The following INTS4 variants were observed in gnomAD, a reference collection of about 807,000 sequenced individuals.
INTS4 encodes integrator complex subunit 4, also known as MSTP093.
A neutral mutation model predicts 119.5 loss-of-function variants in INTS4; 70 were observed. The ratio of observed to expected loss-of-function variants is 0.59; its 90% CI spans 0.48 to 0.71. The LOEUF (loss-of-function observed/expected upper bound fraction) is 0.71. Ranked by LOEUF, INTS4 falls within the 30% of genes least tolerant of loss-of-function variation. INTS4 has a pLI of 0.00. For synonymous variants in INTS4, 316 were observed against 419.6 expected (o/e 0.75, Z 3.02); for missense variants, 867 against 1,173.2 (o/e 0.74, Z 3.81).
intron 1 of INTS4, among the ~76,000 whole-genome samples, chr11:77,994,344 A>G (rs144837821): frequency 6.6e-6 from 1 of 152,294 alleles, no homozygotes; most frequent in African/African-American, 2.4e-5. Context: ...AACGGATAAG[A>G]CAGTTTCGTA....
chr11:77,950,296 C>T (rs978618222), intron 8 of INTS4, among the ~76,000 whole-genome samples: 2 of 151,902 alleles, frequency 1.3e-5, no homozygotes, highest in African/African-American at 2.4e-5. Flanking sequence ...AGCAAACTAC[C>T]ATGGCACATG....
At chr11:77,898,912 T>G (rs911206896) in intron 18 of INTS4, among the ~76,000 whole-genome samples, 2 of 152,002 alleles carry the variant, frequency 1.3e-5, no homozygotes, top group Admixed American at 6.6e-5. Flanking sequence ...CCCAGCTACT[T>G]GGGAGGCTGA....
At chr11:77,928,286 T>C in intron 11 of INTS4, 56 bp downstream of exon 11, 1 of 1,585,918 alleles carries the variant, frequency 6.3e-7, no homozygotes, top group Non-Finnish European at 8.6e-7. Flanking sequence ...CAATACCTGA[T>C]TTTAACAGGG....
chr11:77,897,461 T>C (rs1952575491), intron 18 of INTS4, among the ~76,000 whole-genome samples: 1 of 151,760 alleles, frequency 6.6e-6, no homozygotes, highest in Middle Eastern at 3.4e-3. Flanking sequence ...AGCTACATTA[T>C]AAAAACATAA....
intron 22 of INTS4, among the ~76,000 whole-genome samples, chr11:77,882,403 C>T (rs1951829342): frequency 6.7e-6 from 1 of 148,670 alleles, no homozygotes; most frequent in African/African-American, 2.5e-5. Flanking sequence ...ACAAGTCAGA[C>T]CCTCTCAAGA....
chr11:77,991,390 T>C, intron 1 of INTS4, 91 bp from the exon 2 acceptor site: 1 of 997,048 alleles, frequency 1.0e-6, no homozygotes, highest in Non-Finnish European at 1.5e-6. Context: ...TACCAAATAA[T>C]ATATTTAGCT....
intron 15 of INTS4, among the ~76,000 whole-genome samples, chr11:77,911,689 AT>A (rs1953091190): frequency 6.6e-6 from 1 of 152,206 alleles, no homozygotes; most frequent in Non-Finnish European, 1.5e-5. Flanking sequence ...TTATCTCTTT[AT>A]GCTCACAATT....
rs183936324 is a variant in INTS4 at position 77,898,015 on chromosome 11, G to A, written c.2228+3406C>T. 1.1e-4 allele frequency among the ~76,000 whole-genome samples: 17 copies of A among 152,088 alleles called. No individual in the cohort carries two copies. The East Asian group carries it at 3.1e-3, about 28-fold the overall frequency. On this transcript the variant is annotated intron_variant, in intron 18 of 22. Coordinates refer to ENST00000534064, the MANE Select transcript of INTS4 (RefSeq NM_033547.4). ...TTTTTTAGAGACAGGGTCTCATTATGTTGCTTAGGCTGGGGTCAAACTCCT... is the reference window on the plus strand; with the variant it reads ...TTTTTTAGAGACAGGGTCTCATTATATTGCTTAGGCTGGGGTCAAACTCCT...
At chr11:77,904,310 G>A (rs1479209944) in intron 16 of INTS4, among the ~76,000 whole-genome samples, 2 of 152,094 alleles carry the variant, frequency 1.3e-5, no homozygotes, top group Non-Finnish European at 2.9e-5. Context: ...AATATAACAT[G>A]AGCTATATAT....
chr11:77,968,302 TA>T (rs1253719608), intron 4 of INTS4, among the ~76,000 whole-genome samples: 1 of 152,206 alleles, frequency 6.6e-6, no homozygotes, highest in African/African-American at 2.4e-5. Context: ...AATGGTACAT[TA>T]TTCAGCTGTA....
At chr11:77,920,192 T>TACAC (rs1320570707) in intron 14 of INTS4, among the ~76,000 whole-genome samples, 2,007 of 148,446 alleles carry the variant, frequency 0.014, 45 homozygotes, top group African/African-American at 0.045. Context: ...TACACATATA[T>TACAC]ATACATATAT....
chr11:77,961,548 A>C (rs927981542), intron 4 of INTS4, among the ~76,000 whole-genome samples: 2 of 152,180 alleles, frequency 1.3e-5, no homozygotes, highest in African/African-American at 2.4e-5. Context: ...CAGCTCAATA[A>C]ATTTTCACAA....
At chr11:77,898,683 G>T (rs1952638439) in intron 18 of INTS4, among the ~76,000 whole-genome samples, 1 of 152,100 alleles carries the variant, frequency 6.6e-6, no homozygotes, top group South Asian at 2.1e-4. Flanking sequence ...CATGTATCAA[G>T]TATTTATAAT....
At chr11:77,949,515 T>C (rs1263203414) in intron 8 of INTS4, among the ~76,000 whole-genome samples, 2 of 139,516 alleles carry the variant, frequency 1.4e-5, no homozygotes, top group Admixed American at 7.1e-5. Flanking sequence ...CTTAAACAAA[T>C]TTACAAAAAA....
chr11:77,957,445 G>A (rs1381707287), intron 7 of INTS4, among the ~76,000 whole-genome samples: 1 of 151,458 alleles, frequency 6.6e-6, no homozygotes, highest in East Asian at 2.0e-4. Flanking sequence ...AGCTACTTGG[G>A]AGGCTCAGGC....
intron 22 of INTS4, among the ~76,000 whole-genome samples, chr11:77,881,583 T>G (rs1951793005): frequency 6.6e-6 from 1 of 152,228 alleles, no homozygotes; most frequent in Non-Finnish European, 1.5e-5. Context: ...AATACTAATT[T>G]CCACTGCAGA....
intron 16 of INTS4, among the ~76,000 whole-genome samples, chr11:77,903,943 T>C (rs1952860326): frequency 6.6e-6 from 1 of 152,218 alleles, no homozygotes; most frequent in African/African-American, 2.4e-5. Context: ...CTCTAGGCAC[T>C]CCTTGTTCCC....
Position 77,960,777 on chromosome 11 carries a change from C to CA in INTS4, c.657+175dup, listed in dbSNP as rs75889623. On this transcript the variant is annotated intron_variant, in intron 5 of 22. Transcript: ENST00000534064. ...ACACATGAAAGCTACCAGAGAAAGC[C>CA]AAAAAAGCACACTTGTATACAGGAA... Among the ~76,000 whole-genome samples the CA allele has an allele frequency of 4.0e-4, 61 of 152,084 alleles. 1 individual carries two copies. The East Asian group carries it at 0.012, about 29-fold the overall frequency.
chr11:77,930,427 G>A (rs915029111), intron 10 of INTS4, among the ~76,000 whole-genome samples: 3 of 152,084 alleles, frequency 2.0e-5, no homozygotes, highest in African/African-American at 7.2e-5. Context: ...CTAATTATAA[G>A]GCAAGCTAGA....
Sources: allele counts gnomAD v4.1 joint callset (sites outside exome capture counted in the v4.1 genomes callset), GRCh38; gene constraint gnomAD v4.1.1; transcripts MANE v1.5; gene names NCBI Gene and HGNC (gene_info 2026-07-23, HGNC 2026-07-21).